The following MTMR2 variants were observed in gnomAD, a reference collection of about 807,000 sequenced individuals.
The protein encoded by MTMR2 is myotubularin related protein 2, also known as phosphatidylinositol-3,5-bisphosphate 3-phosphatase MTMR2.
MTMR2 carries 55 observed loss-of-function variants against 86.9 expected under a neutral mutation model. That is an observed-to-expected ratio of 0.63 (90% CI 0.51 to 0.79). The LOEUF (loss-of-function observed/expected upper bound fraction) is 0.79, where lower values mean the gene tolerates loss of function less well. Ranked by LOEUF, MTMR2 falls within the 30% of genes least tolerant of loss-of-function variation. The pLI, the probability that MTMR2 is intolerant of heterozygous loss-of-function variation, is 0.00. For synonymous variants in MTMR2, 241 were observed against 266.8 expected, an observed-to-expected ratio of 0.90 and a Z score of 0.94; for missense variants, 659 against 772.3, an observed-to-expected ratio of 0.85 and a Z score of 1.74.
rs1864436352 is a variant in MTMR2 at position 95,861,993 on chromosome 11, T to G, written c.467A>C (p.Lys156Thr). 1.2e-6 allele frequency: 2 copies of G among 1,602,706 alleles called. No individual in the cohort carries two copies. The highest frequency in any genetic ancestry group is 1.7e-5 in the Admixed American group (1 of 59,980). ...TCACATACATATTATAACATTTACC[T>G]TACACACAGTTTCTAGTCCATAAGA... ...ENSYGLETVC[K>T]DIRNLRFAHK... The change falls in exon 5 of 15, where the codon AAG becomes ACG. Residue 156 changes from lysine to threonine, a missense_variant and splice_region_variant. Physicochemically the swap from Lys to Thr is moderately conservative, Grantham distance 78. Coordinates refer to ENST00000346299, the MANE Select transcript of MTMR2 (RefSeq NM_016156.6).
At chr11:95,912,929 T>C (rs1866564129) in intron 1 of MTMR2, 1 of 152,068 alleles carries the variant, frequency 6.6e-6, no homozygotes, top group African/African-American at 2.4e-5. Context: ...ACTATAAAAT[T>C]TGTACCTACT....
At chr11:95,874,747 CCT>C (rs2135512959) in intron 2 of MTMR2, among the ~76,000 whole-genome samples, 1 of 152,158 alleles carries the variant, frequency 6.6e-6, no homozygotes, top group East Asian at 1.9e-4. Context: ...TGTTCCTTTC[CCT>C]GTTTAGTGTT....
chr11:95,909,217 T>C (rs762126943), intron 1 of MTMR2, among the ~76,000 whole-genome samples: 3 of 152,098 alleles, frequency 2.0e-5, no homozygotes, highest in South Asian at 2.1e-4. Flanking sequence ...CAAACATTAT[T>C]GGTGGGGGGG....
intron 7 of MTMR2, among the ~76,000 whole-genome samples, chr11:95,855,592 G>C (rs515546): frequency 0.6 from 91,022 of 152,002 alleles, 29,437 homozygotes; most frequent in African/African-American, 0.86. Context: ...TTTCTTTTAA[G>C]ACTATTAAGT....
chr11:95,837,708 T>C (rs2135406209), intron 13 of MTMR2, among the ~76,000 whole-genome samples: 1 of 152,198 alleles, frequency 6.6e-6, no homozygotes, highest in East Asian at 1.9e-4. Context: ...AGGATATACT[T>C]GGGAATTTGA....
intron 1 of MTMR2, among the ~76,000 whole-genome samples, chr11:95,893,185 C>T (rs1245621989): frequency 1.3e-5 from 2 of 152,060 alleles, no homozygotes; most frequent in Non-Finnish European, 2.9e-5. Context: ...TTTTATTATC[C>T]ATAAAGATAA....
At position 95,849,866 on chromosome 11, in the gene MTMR2, A is replaced by T. The variant is rs769400773; in HGVS notation, c.805-4T>A. ...CAGGATGAATCCATGATAAAACCTT[A>T]ATGAGGAAAAAATGGTAACACACCT... On this transcript the variant is annotated splice_region_variant and splice_polypyrimidine_tract_variant and intron_variant, in intron 8 of 14. Transcript: ENST00000346299. 6.3e-7 allele frequency: 1 copy of T among 1,592,480 alleles called. No individual in the cohort carries two copies. The highest frequency in any genetic ancestry group is 8.6e-7 in the Non-Finnish European group (1 of 1,162,926).
chr11:95,879,254 A>C (rs1186763467), intron 2 of MTMR2, among the ~76,000 whole-genome samples: 1 of 152,178 alleles, frequency 6.6e-6, no homozygotes, highest in Non-Finnish European at 1.5e-5. Flanking sequence ...TGGGGAAAGC[A>C]AGGGATGAAG....
intron 1 of MTMR2, 193 bp downstream of exon 1, chr11:95,923,682 G>C: frequency 7.0e-7 from 1 of 1,427,706 alleles, no homozygotes. Context: ...AAGAAGCAGC[G>C]AGTTTTAACC....
Position 95,849,855 on chromosome 11 carries a change from G to A in MTMR2, c.812C>T (p.Ser271Leu), listed in dbSNP as rs1425586980. 24 of 1,613,806 alleles carry A rather than the reference G, an allele frequency of 1.5e-5. No individual in the cohort carries two copies. The highest frequency in any genetic ancestry group is 1.9e-5 in the Non-Finnish European group (23 of 1,179,870). ...GGCTTGACTTTCAGGATGAATCCAT[G>A]ATAAAACCTTAATGAGGAAAAAATG... ...FRSRGRIPVLSWIHPESQATI... is the reference protein window; with the variant it reads ...FRSRGRIPVLLWIHPESQATI... Residue 271 changes from serine (S) to leucine (L), a missense_variant, in exon 9 of 15, where the codon TCA (serine) becomes TTA (leucine). Coordinates refer to ENST00000346299, the MANE Select transcript of MTMR2 (RefSeq NM_016156.6).
At chr11:95,895,588 A>T (rs960768433) in intron 1 of MTMR2, among the ~76,000 whole-genome samples, 2 of 152,166 alleles carry the variant, frequency 1.3e-5, no homozygotes, top group African/African-American at 4.8e-5. Context: ...AAATTTTTTT[A>T]AAAACAGACA....
At chr11:95,837,026 A>G (rs1046499092) in intron 13 of MTMR2, among the ~76,000 whole-genome samples, 1 of 152,044 alleles carries the variant, frequency 6.6e-6, no homozygotes, top group Non-Finnish European at 1.5e-5. Flanking sequence ...TTTAAAAATA[A>G]TCAATGATTC....
intron 2 of MTMR2, among the ~76,000 whole-genome samples, chr11:95,887,949 T>C (rs1393395489): frequency 2.0e-5 from 3 of 152,210 alleles, no homozygotes; most frequent in African/African-American, 4.8e-5. Context: ...AACTTAGAGG[T>C]GATCAACCTC....
chr11:95,862,256 C>A lies in MTMR2; in HGVS notation c.357+16G>T. 1 of 1,587,686 alleles carries A rather than the reference C, an allele frequency of 6.3e-7. No homozygotes were observed. The highest frequency in any genetic ancestry group is 1.1e-5 in the South Asian group (1 of 90,910). On this transcript the variant is annotated intron_variant, in intron 4 of 14. Coordinates refer to ENST00000346299, the MANE Select transcript of MTMR2 (RefSeq NM_016156.6). ...AACACACTCATGTACATACAAAAAT[C>A]TAATCTGACTCTTACCCGTTCCATG...
At chr11:95,857,671 GAT>G in intron 6 of MTMR2, 36 bp from the exon 7 acceptor site, 1 of 1,362,158 alleles carries the variant, frequency 7.3e-7, no homozygotes, top group Non-Finnish European at 1.1e-6. Flanking sequence ...AGCTAAAAAA[GAT>G]ATTCACAAAG....
At chr11:95,865,322 C>T (rs796317866) in intron 3 of MTMR2, 13 of 405,870 alleles carry the variant, frequency 3.2e-5, no homozygotes, top group Middle Eastern at 6.5e-4. Context: ...ACAGTTTTAG[C>T]AAAAATCCAC....
intron 1 of MTMR2, among the ~76,000 whole-genome samples, chr11:95,892,600 A>G (rs12422059): frequency 0.14 from 21,653 of 152,104 alleles, 2,111 homozygotes; most frequent in African/African-American, 0.27. Context: ...CTAGGCCTAT[A>G]TACTTCATCT....
At chr11:95,902,190 T>A (rs1011442502) in intron 1 of MTMR2, among the ~76,000 whole-genome samples, 1 of 152,172 alleles carries the variant, frequency 6.6e-6, no homozygotes, top group Admixed American at 6.6e-5. Flanking sequence ...CTATGTAAAA[T>A]GGCGATGGTA....
intron 13 of MTMR2, among the ~76,000 whole-genome samples, chr11:95,837,340 AG>A (rs1256212443): frequency 1.3e-5 from 2 of 152,094 alleles, no homozygotes; most frequent in African/African-American, 4.8e-5. Context: ...ATTTGAACCC[AG>A]CAACTGGGCT....
Sources: allele counts gnomAD v4.1 joint callset (sites outside exome capture counted in the v4.1 genomes callset), GRCh38; gene constraint gnomAD v4.1.1; transcripts MANE v1.5; gene names NCBI Gene and HGNC (gene_info 2026-07-23, HGNC 2026-07-21).